Variants in RIMS2 observed in about 807,000 individuals in gnomAD.
RIMS2 encodes regulating synaptic membrane exocytosis protein 2.
In RIMS2, 59 loss-of-function variants were observed where a neutral mutation model predicts 174.4. The observed-to-expected ratio is 0.34, with a 90% CI of 0.27 to 0.42. RIMS2 has a LOEUF of 0.42. Among genes scored for constraint, RIMS2 ranks in the 10% least tolerant of loss-of-function variants. The pLI is 1.00. For synonymous variants in RIMS2, 606 were observed against 572.5 expected (o/e 1.06, Z -0.84); for missense variants, 1,620 against 1,666.3 (o/e 0.97, Z 0.48).
At chr8:103,834,515 G>A (rs2098846433) in intron 3 of RIMS2, among the ~76,000 whole-genome samples, 1 of 150,738 alleles carries the variant, frequency 6.6e-6, no homozygotes, top group Non-Finnish European at 1.5e-5. Flanking sequence ...GCTCCTTGAA[G>A]TCTTCTTATG....
At position 104,236,187 on chromosome 8, in the gene RIMS2, G is replaced by A. The variant is rs559707044; in HGVS notation, c.3335-8729G>A. Reference sequence around the variant, plus strand: ...TGATATAAACTTTATATAGTCCATCGATAGACACATAATGTCAAGATTTCT... The same window carrying A: ...TGATATAAACTTTATATAGTCCATCAATAGACACATAATGTCAAGATTTCT... On this transcript the variant is annotated intron_variant, in intron 19 of 23. Coordinates refer to ENST00000504942, the Ensembl canonical transcript of RIMS2. Among the ~76,000 whole-genome samples, 11 of 151,786 alleles carry A rather than the reference G, an allele frequency of 7.2e-5. No individual in the cohort carries two copies. The East Asian group carries it at 1.9e-3, about 27-fold the overall frequency.
intron 1 of RIMS2, among the ~76,000 whole-genome samples, chr8:103,688,039 C>T (rs1229542039): frequency 6.6e-6 from 1 of 152,048 alleles, no homozygotes; most frequent in Non-Finnish European, 1.5e-5. Context: ...TCATGTTGTC[C>T]ACAAACAGAG....
chr8:104,221,732 C>T (rs1195706009), intron 19 of RIMS2, among the ~76,000 whole-genome samples: 1 of 152,120 alleles, frequency 6.6e-6, no homozygotes, highest in Admixed American at 6.5e-5. Context: ...CCATGGAACT[C>T]TTATTTATAC....
intron 3 of RIMS2, among the ~76,000 whole-genome samples, chr8:103,783,781 C>T (rs1325208342): frequency 6.7e-6 from 1 of 149,658 alleles, no homozygotes; most frequent in African/African-American, 2.5e-5. Flanking sequence ...GGGTATATGC[C>T]CAGTAATGGG....
At chr8:103,849,322 A>G (rs2098984797) in intron 3 of RIMS2, among the ~76,000 whole-genome samples, 1 of 152,072 alleles carries the variant, frequency 6.6e-6, no homozygotes, top group African/African-American at 2.4e-5. Flanking sequence ...CAAGTTCATT[A>G]GAAACAGAGC....
chr8:103,608,501 G>C (rs2095234888), intron 1 of RIMS2, among the ~76,000 whole-genome samples: 1 of 144,332 alleles, frequency 6.9e-6, no homozygotes, highest in Non-Finnish European at 1.5e-5. Context: ...AGGCCTCCTT[G>C]AGCTGTGGTG....
chr8:103,890,083 C>G (rs1317553351), intron 4 of RIMS2, among the ~76,000 whole-genome samples: 1 of 151,988 alleles, frequency 6.6e-6, no homozygotes, highest in Non-Finnish European at 1.5e-5. Flanking sequence ...CAATACTCAT[C>G]ATACAGTATT....
At chr8:103,868,748 A>G (rs976774879) in intron 3 of RIMS2, among the ~76,000 whole-genome samples, 1 of 152,140 alleles carries the variant, frequency 6.6e-6, no homozygotes, top group Non-Finnish European at 1.5e-5. Flanking sequence ...ATTTGAACCT[A>G]TTAAATATGT....
intron 19 of RIMS2, chr8:104,223,925 G>A (rs1218708422): frequency 1.4e-6 from 1 of 724,690 alleles, no homozygotes; most frequent in Non-Finnish European, 2.2e-6. Flanking sequence ...CTGTGCCGGG[G>A]GCGACAGCCC....
chr8:104,014,702 T>C, intron 19 of RIMS2, 87 bp downstream of exon 21: 2 of 710,850 alleles, frequency 2.8e-6, no homozygotes, highest in Non-Finnish European at 4.9e-6. Context: ...TTGTGTTAAT[T>C]TTCTTCTTTT....
intron 4 of RIMS2, among the ~76,000 whole-genome samples, chr8:103,902,279 G>A (rs2073308609): frequency 6.6e-6 from 1 of 152,156 alleles, no homozygotes; most frequent in Non-Finnish European, 1.5e-5. Context: ...CGTTAAGCCA[G>A]CAAAGAGAGT....
At chr8:104,046,976 G>T (rs543795409) in intron 19 of RIMS2, among the ~76,000 whole-genome samples, 1 of 151,834 alleles carries the variant, frequency 6.6e-6, no homozygotes, top group Non-Finnish European at 1.5e-5. Flanking sequence ...ATATATGTAC[G>T]TATAATATAA....
chr8:103,749,180 C>T (rs1215790958), intron 2 of RIMS2, among the ~76,000 whole-genome samples: 1 of 150,254 alleles, frequency 6.7e-6, no homozygotes, highest in Non-Finnish European at 1.5e-5. Context: ...GGCGTGATCT[C>T]GGCTTACTGC....
At chr8:104,127,858 G>A (rs982693047) in intron 19 of RIMS2, among the ~76,000 whole-genome samples, 21 of 152,124 alleles carry the variant, frequency 1.4e-4, no homozygotes, top group African/African-American at 5.1e-4. Context: ...ATAAATACCA[G>A]CTTGGTAACT....
intron 19 of RIMS2, among the ~76,000 whole-genome samples, chr8:104,107,531 C>T (rs2098095208): frequency 6.6e-6 from 1 of 152,150 alleles, no homozygotes; most frequent in Non-Finnish European, 1.5e-5. Context: ...TAGATTGCAA[C>T]AAAACAGTGA....
At chr8:103,624,425 T>G (rs1232590012) in intron 1 of RIMS2, among the ~76,000 whole-genome samples, 1 of 152,218 alleles carries the variant, frequency 6.6e-6, no homozygotes, top group South Asian at 2.1e-4. Context: ...AGACTCTGAC[T>G]GAGTTACACC....
chr8:103,764,552 A>T (rs949956253), intron 2 of RIMS2, among the ~76,000 whole-genome samples: 3 of 152,184 alleles, frequency 2.0e-5, no homozygotes, highest in African/African-American at 7.2e-5. Flanking sequence ...GGTTAGATAT[A>T]TTTCATGTCT....
At chr8:104,034,856 C>T (rs1364357998) in intron 19 of RIMS2, among the ~76,000 whole-genome samples, 2 of 152,056 alleles carry the variant, frequency 1.3e-5, no homozygotes, top group African/African-American at 4.8e-5. Flanking sequence ...ATAATTTTAA[C>T]TTGTGAGTTT....
chr8:103,778,280 C>G (rs2154431738), intron 3 of RIMS2, among the ~76,000 whole-genome samples: 1 of 152,130 alleles, frequency 6.6e-6, no homozygotes, highest in South Asian at 2.1e-4. Context: ...AAATTTTTCT[C>G]TTCTGGCTAT....
Sources: gnomAD v4.1 joint callset for allele counts (sites outside exome capture counted in the v4.1 genomes callset) on GRCh38, gnomAD v4.1.1 for gene constraint, MANE v1.5 for transcripts, NCBI Gene and HGNC (gene_info 2026-07-23, HGNC 2026-07-21) for gene names.